The following LCMT1 variants were observed in gnomAD, a reference collection of about 807,000 sequenced individuals.
LCMT1 encodes the protein [Phosphatase 2A protein]-leucine-carboxy methyltransferase 1.
LCMT1 carries 32 observed loss-of-function variants against 47.7 expected under a neutral mutation model. The observed-to-expected ratio is 0.67, with a 90% CI of 0.51 to 0.90. The LOEUF is 0.90. LCMT1 is among the 40% of genes least tolerant of loss of function. LCMT1 has a pLI of 0.00. For synonymous variants in LCMT1, 152 were observed against 149.7 expected (o/e 1.02, Z -0.11); for missense variants, 375 against 415.2 (o/e 0.90, Z 0.84).
At chr16:25,157,424 G>T (rs762134257) in intron 5 of LCMT1, among the ~76,000 whole-genome samples, 1 of 152,022 alleles carries the variant, frequency 6.6e-6, no homozygotes, top group African/African-American at 2.4e-5. Flanking sequence ...GCATGGTGGT[G>T]CACGTCTGTG....
intron 4 of LCMT1, chr16:25,147,310 G>A (rs1017212412): frequency 1.3e-5 from 2 of 152,278 alleles, no homozygotes; most frequent in Admixed American, 1.3e-4. Flanking sequence ...AAAAGAGGGT[G>A]CCTGTTTGGA....
chr16:25,136,521 G>A (rs945318888), intron 3 of LCMT1, among the ~76,000 whole-genome samples: 4 of 150,078 alleles, frequency 2.7e-5, no homozygotes, highest in Admixed American at 2.7e-4. Flanking sequence ...GTGCAGGTTT[G>A]TTACATAGGT....
intron 1 of LCMT1, among the ~76,000 whole-genome samples, chr16:25,114,612 C>G (rs760168415): frequency 6.6e-6 from 1 of 152,102 alleles, no homozygotes. Context: ...TCCCACCAAC[C>G]CCTCACTATG....
At chr16:25,136,981 G>A (rs1303906653) in intron 3 of LCMT1, among the ~76,000 whole-genome samples, 1 of 152,180 alleles carries the variant, frequency 6.6e-6, no homozygotes, top group East Asian at 1.9e-4. Flanking sequence ...AGGGCACTAT[G>A]CTGTCTTTCA....
At chr16:25,140,054 C>T (rs1031051252) in intron 3 of LCMT1, 117 bp from the exon 4 acceptor site, 1 of 714,432 alleles carries the variant, frequency 1.4e-6, no homozygotes. Context: ...CATATCAGTC[C>T]CCTGATTTAA....
chr16:25,177,679 T>C (rs150006879), intron 10 of LCMT1, among the ~76,000 whole-genome samples: 122 of 152,342 alleles, frequency 8.0e-4, no homozygotes, highest in Middle Eastern at 3.4e-3. Flanking sequence ...CTTTGGGACA[T>C]CAGTGCTTGT....
intron 3 of LCMT1, among the ~76,000 whole-genome samples, chr16:25,138,853 A>G (rs1355437143): frequency 2.6e-5 from 4 of 152,004 alleles, no homozygotes; most frequent in African/African-American, 9.7e-5. Context: ...AGGTCAGGCC[A>G]TTTCCTGTGA....
At chr16:25,139,305 C>A (rs1960603750) in intron 3 of LCMT1, among the ~76,000 whole-genome samples, 1 of 152,136 alleles carries the variant, frequency 6.6e-6, no homozygotes, top group Non-Finnish European at 1.5e-5. Context: ...GGGTTTGAGC[C>A]ACTCCAGCTC....
intron 10 of LCMT1, among the ~76,000 whole-genome samples, chr16:25,175,279 G>A (rs1215339981): frequency 6.6e-6 from 1 of 151,936 alleles, no homozygotes; most frequent in Non-Finnish European, 1.5e-5. Flanking sequence ...GGGACTACAG[G>A]AGCCTGGCTA....
chr16:25,146,850 C>A (rs911432929), intron 4 of LCMT1: 2 of 152,166 alleles, frequency 1.3e-5, no homozygotes, highest in African/African-American at 2.4e-5. Flanking sequence ...TTTTCTTGAC[C>A]CTGTCATAGT....
intron 10 of LCMT1, among the ~76,000 whole-genome samples, chr16:25,176,532 GTTTTTGTTTTTTTTTGGCTTTTTTTTTT>G (rs1427590908): frequency 2.8e-4 from 28 of 99,294 alleles, no homozygotes; most frequent in Non-Finnish European, 5.2e-4. Context: ...TTTGGTTTTG[GTTTTTGTTTTTTTTTGGCTTTTTTTTTT>G]TTTTTTTTTT....
chr16:25,175,032 T>G lies in LCMT1; in HGVS notation c.980T>G (p.Leu327Arg). ...TGGGCAACCAAAGGAGGAAATGAGC[T>G]TGGTGCGTGATTGTACTTTTCTTGC... The part of the protein sequence containing the change: ...LCWATKGGNE[L>R]GLKEITY The change falls in exon 10 of 11, where the codon CTT (leucine) becomes CGT (arginine). Residue 327 changes from leucine to arginine, a missense_variant and splice_region_variant. Transcript: ENST00000399069. The G allele has an allele frequency of 6.3e-7, 1 of 1,587,356 alleles. No individual in the cohort carries two copies. The highest frequency in any genetic ancestry group is 1.7e-4 in the Middle Eastern group (1 of 6,024).
intron 4 of LCMT1, among the ~76,000 whole-genome samples, chr16:25,150,422 G>A (rs1365114254): frequency 7.9e-6 from 1 of 126,060 alleles, no homozygotes; most frequent in Non-Finnish European, 1.6e-5. Flanking sequence ...TCAGCTCACC[G>A]CAACCTCCGC....
At chr16:25,149,570 G>A (rs116630699) in intron 4 of LCMT1, among the ~76,000 whole-genome samples, 1 of 152,272 alleles carries the variant, frequency 6.6e-6, no homozygotes, top group African/African-American at 2.4e-5. Flanking sequence ...TTCATAATCT[G>A]AATTTTTATG....
At chr16:25,166,308 C>G (rs1048153771) in intron 7 of LCMT1, among the ~76,000 whole-genome samples, 2 of 151,518 alleles carry the variant, frequency 1.3e-5, no homozygotes, top group African/African-American at 4.8e-5. Context: ...TACCCACTCT[C>G]CAGATTATTA....
intron 2 of LCMT1, chr16:25,132,042 T>A: frequency 2.9e-6 from 1 of 345,126 alleles, no homozygotes; most frequent in Non-Finnish European, 5.8e-6. Flanking sequence ...CTCACAATTT[T>A]CAGGTTTACC....
intron 5 of LCMT1, among the ~76,000 whole-genome samples, chr16:25,153,739 G>A (rs1309118358): frequency 6.6e-6 from 1 of 152,068 alleles, no homozygotes; most frequent in East Asian, 1.9e-4. Flanking sequence ...GATCACCTGA[G>A]GTCAGGGGTT....
At chr16:25,173,026 G>A (rs1961820481) in intron 9 of LCMT1, among the ~76,000 whole-genome samples, 1 of 152,244 alleles carries the variant, frequency 6.6e-6, no homozygotes, top group Non-Finnish European at 1.5e-5. Context: ...AAGGAGATTG[G>A]AAGGCCTTTG....
In LCMT1 at chr16:25,132,547, C is replaced by T. The variant is rs752723719; in HGVS notation, c.327+24C>T. 3.1e-6 allele frequency: 5 copies of T among 1,609,458 alleles called. No homozygotes were observed. The African/African-American group carries it at 4.0e-5, about 13-fold the overall frequency. On this transcript the variant is annotated intron_variant, in intron 3 of 10. Coordinates refer to ENST00000399069, the MANE Select transcript of LCMT1 (RefSeq NM_016309.3). The stretch of plus-strand genomic sequence containing the variant: ...AGGTATGTTCAAATTCCCCTCCTCC[C>T]TCCCCAAGTGTTTAGATTTTTTTCG...
Sources: allele counts gnomAD v4.1 joint callset (sites outside exome capture counted in the v4.1 genomes callset), GRCh38; gene constraint gnomAD v4.1.1; transcripts MANE v1.5; gene names NCBI Gene and HGNC (gene_info 2026-07-23, HGNC 2026-07-21).